The following HTR2C variants were observed in gnomAD, a reference collection of about 807,000 sequenced individuals.
The protein encoded by HTR2C is 5-hydroxytryptamine (serotonin) receptor 2C, G protein-coupled.
In HTR2C, 5 loss-of-function variants were observed where a neutral mutation model predicts 21.0. That is an observed-to-expected ratio of 0.24 (90% CI 0.12 to 0.50). HTR2C has a LOEUF of 0.50. Among genes scored for constraint, HTR2C ranks in the 20% least tolerant of loss-of-function variants. The pLI, the probability that HTR2C is intolerant of heterozygous loss-of-function variation, is 0.98. For missense variants in HTR2C, 271 were observed against 371.2 expected (o/e 0.73, Z 2.22); for synonymous variants, 150 against 145.3 (o/e 1.03, Z -0.23).
intron 2 of HTR2C, among the ~76,000 whole-genome samples, chrX:114,617,075 A>G (rs1183456878): frequency 8.9e-6 from 1 of 112,387 alleles, no homozygotes; most frequent in Non-Finnish European, 1.9e-5. Context: ...TTTCAATATG[A>G]GTTCTCTGAT....
intron 4 of HTR2C, among the ~76,000 whole-genome samples, chrX:114,741,248 C>T (rs1026022278): frequency 9.2e-6 from 1 of 108,791 alleles, no homozygotes; most frequent in Non-Finnish European, 1.9e-5. Flanking sequence ...GGGCCGGGCA[C>T]GGTGGCTCAT....
At chrX:114,699,591 C>G (rs1190653766) in intron 2 of HTR2C, among the ~76,000 whole-genome samples, 1 of 111,741 alleles carries the variant, frequency 8.9e-6, no homozygotes, top group African/African-American at 3.3e-5. Context: ...GAATTATTTT[C>G]TTTATTCCTC....
chrX:114,706,577 G>T (rs1416590703), intron 2 of HTR2C, among the ~76,000 whole-genome samples: 1 of 69,460 alleles, frequency 1.4e-5, no homozygotes, highest in African/African-American at 5.5e-5. Flanking sequence ...GGGGGAGGGG[G>T]GAGGGATAGC....
chrX:114,749,151 A>G (rs1556427103), intron 4 of HTR2C, among the ~76,000 whole-genome samples: 2 of 110,442 alleles, frequency 1.8e-5, no homozygotes. Context: ...CAAAACAACA[A>G]CAACAACAAA....
At chrX:114,879,926 G>A (rs2071167632) in intron 5 of HTR2C, among the ~76,000 whole-genome samples, 1 of 110,561 alleles carries the variant, frequency 9.0e-6, no homozygotes, top group Admixed American at 9.7e-5. Flanking sequence ...AGAGTAGTTA[G>A]TTAACTTACA....
intron 1 of HTR2C, among the ~76,000 whole-genome samples, chrX:114,612,181 A>C (rs1480717815): frequency 4.5e-5 from 5 of 111,752 alleles, no homozygotes; most frequent in African/African-American, 9.8e-5. Flanking sequence ...TATACTTCAA[A>C]TATGTTAATT....
intron 5 of HTR2C, among the ~76,000 whole-genome samples, chrX:114,872,283 G>A (rs782131931): frequency 1.1e-4 from 11 of 97,657 alleles, no homozygotes; most frequent in African/African-American, 3.9e-4. Context: ...TCCTCTATTG[G>A]TTTTCTATTC....
At chrX:114,727,412 G>A (rs1484885722) in intron 3 of HTR2C, among the ~76,000 whole-genome samples, 1 of 111,653 alleles carries the variant, frequency 9.0e-6, no homozygotes, top group African/African-American at 3.3e-5. Flanking sequence ...GATGTAGCTG[G>A]ATGGGAAAAA....
chrX:114,859,975 T>C (rs1236447898), intron 5 of HTR2C, among the ~76,000 whole-genome samples: 1 of 111,647 alleles, frequency 9.0e-6, no homozygotes, highest in Non-Finnish European at 1.9e-5. Flanking sequence ...ATTTTCAAGG[T>C]ATCTTTCTTA....
At chrX:114,671,369 G>A (rs888618953) in intron 2 of HTR2C, among the ~76,000 whole-genome samples, 12 of 112,090 alleles carry the variant, frequency 1.1e-4, no homozygotes, top group African/African-American at 3.9e-4. Context: ...GATCCCAGAT[G>A]CCTGATCTCC....
In HTR2C at chrX:114,636,985, G is replaced by A. The variant is rs1295867265; in HGVS notation, c.-80+23104G>A. 1.2e-4 allele frequency among the ~76,000 whole-genome samples: 13 copies of A among 111,809 alleles called. No homozygotes were observed. In the Admixed American group the frequency reaches 1.2e-3, roughly 11 times the overall value. On this transcript the variant is annotated intron_variant, in intron 2 of 5. Coordinates refer to ENST00000276198, the MANE Select transcript of HTR2C (RefSeq NM_000868.4). ...CTCACTTTTGGTGTGGTTAGGGATT[G>A]GCAGGGAAACTGAAGTCCTTTCAGG... is the stretch of plus-strand genomic sequence containing the variant.
intron 4 of HTR2C, among the ~76,000 whole-genome samples, chrX:114,739,845 C>A (rs969082874): frequency 5.4e-5 from 6 of 111,418 alleles, no homozygotes; most frequent in Non-Finnish European, 9.4e-5. Flanking sequence ...GCAGCTCACA[C>A]CTATAATCCC....
chrX:114,816,266 T>TGATAGATAGATA (rs10526392), intron 4 of HTR2C, among the ~76,000 whole-genome samples: 14,664 of 102,808 alleles, frequency 0.14, 872 homozygotes, highest in East Asian at 0.21. Flanking sequence ...GATAGATAGA[T>TGATAGATAGATA]GATAGATAGA....
chrX:114,771,844 C>T (rs1364996671), intron 4 of HTR2C, among the ~76,000 whole-genome samples: 1 of 112,274 alleles, frequency 8.9e-6, no homozygotes, highest in Non-Finnish European at 1.9e-5. Flanking sequence ...AACTCAGAGT[C>T]AGGACAAATA....
At chrX:114,640,167 T>C (rs1282773584) in intron 2 of HTR2C, among the ~76,000 whole-genome samples, 1 of 111,983 alleles carries the variant, frequency 8.9e-6, no homozygotes, top group African/African-American at 3.2e-5. Context: ...TCTTTAATGA[T>C]AATCATTTTA....
intron 5 of HTR2C, among the ~76,000 whole-genome samples, chrX:114,897,597 C>T (rs1275195869): frequency 4.5e-5 from 5 of 111,317 alleles, no homozygotes; most frequent in Admixed American, 1.9e-4. Context: ...TATTGTTCCT[C>T]GCTATGTGTC....
chrX:114,647,465 C>T (rs1284480181), intron 2 of HTR2C, among the ~76,000 whole-genome samples: 1 of 111,893 alleles, frequency 8.9e-6, no homozygotes, highest in African/African-American at 3.2e-5. Flanking sequence ...TTTAAAATCA[C>T]CCTTTTAATT....
chrX:114,701,535 G>C (rs1372938667), intron 2 of HTR2C, among the ~76,000 whole-genome samples: 1 of 111,027 alleles, frequency 9.0e-6, no homozygotes, highest in Non-Finnish European at 1.9e-5. Context: ...CAGACAGAAA[G>C]GACATCCACA....
At chrX:114,727,021 T>G (rs781993439) in intron 3 of HTR2C, 50 bp downstream of exon 3, 2 of 758,372 alleles carry the variant, frequency 2.6e-6, no homozygotes, top group African/African-American at 4.5e-5. Context: ...CTTTGCTTGG[T>G]AGCTTGCTCA....
Sources: allele counts gnomAD v4.1 joint callset (sites outside exome capture counted in the v4.1 genomes callset), GRCh38; gene constraint gnomAD v4.1.1; transcripts MANE v1.5; gene names NCBI Gene and HGNC (gene_info 2026-07-23, HGNC 2026-07-21).